The following ZNF609 variants were observed in gnomAD, a reference collection of about 807,000 sequenced individuals.
The protein encoded by ZNF609 is zinc finger protein 609.
A neutral mutation model predicts 109.5 loss-of-function variants in ZNF609; 11 were observed. The observed-to-expected ratio is 0.10, with a 90% CI of 0.06 to 0.17. The LOEUF (loss-of-function observed/expected upper bound fraction) is 0.17, where lower values mean the gene tolerates loss of function less well. ZNF609 is among the 10% of genes least tolerant of loss of function. The probability of loss-of-function intolerance (pLI) is 1.00; values close to 1 mark genes in which losing one functional copy is unlikely to be tolerated. For synonymous variants in ZNF609, 646 were observed against 662.0 expected (o/e 0.98, Z 0.37); for missense variants, 1,559 against 1,772.4 (o/e 0.88, Z 2.16).
intron 3 of ZNF609, among the ~76,000 whole-genome samples, chr15:64,654,688 T>C (rs1896464344): frequency 6.6e-6 from 1 of 152,232 alleles, no homozygotes; most frequent in Non-Finnish European, 1.5e-5. Context: ...TGTATCTCCA[T>C]AGCCCCTTAC....
chr15:64,595,716 C>T (rs144424339), intron 2 of ZNF609, among the ~76,000 whole-genome samples: 2 of 152,258 alleles, frequency 1.3e-5, no homozygotes, highest in African/African-American at 4.8e-5. Flanking sequence ...TGGTAAAAAA[C>T]TGGGACTAAA....
chr15:64,524,563 CAA>C lies in ZNF609; in HGVS notation c.747+24411_747+24412del, dbSNP rs539781729. ...TGGGAGACAGAGCAAGACTCCATCT[CAA>C]AAAAAAAAAAAAAGGGGGGGGCCTT... On this transcript the variant is annotated intron_variant, in intron 2 of 9. Transcript: ENST00000326648. Among the ~76,000 whole-genome samples, 162 of 99,930 alleles carry C rather than the reference CAA, an allele frequency of 1.6e-3. 1 individual carries two copies. Among genetic ancestry groups the C allele is most frequent in the African/African-American group, 4.0e-3 (126 of 31,552 alleles). The allele number at this position is 99,930 out of a possible 152,430, so 65.6% of individuals were successfully genotyped here. A position where few individuals can be genotyped will look rare whatever the true frequency, so the allele number is the denominator to read the frequency against.
chr15:64,552,637 A>G (rs1894502185), intron 2 of ZNF609, among the ~76,000 whole-genome samples: 1 of 151,982 alleles, frequency 6.6e-6, no homozygotes, highest in Admixed American at 6.6e-5. Flanking sequence ...TACATGCTTG[A>G]GCCACTGCTC....
At chr15:64,661,289 A>G (rs116334528) in intron 3 of ZNF609, among the ~76,000 whole-genome samples, 3 of 152,150 alleles carry the variant, frequency 2.0e-5, no homozygotes, top group Non-Finnish European at 4.4e-5. Context: ...ATATGCTTAC[A>G]TGTTCCCTTA....
intron 9 of ZNF609, 76 bp downstream of exon 9, chr15:64,681,463 GAGAAAT>G: frequency 7.9e-7 from 1 of 1,264,646 alleles, no homozygotes; most frequent in South Asian, 1.2e-5. Context: ...ATCCCTAGGT[GAGAAAT>G]AGCTATGAGG....
Position 64,675,170 on chromosome 15 carries a change from G to C in ZNF609, c.2316G>C (p.Gly772=), listed in dbSNP as rs753373295. The change falls in exon 5 of 10, where the codon GGG becomes GGC. Residue 772 remains glycine, a synonymous_variant. Transcript: ENST00000326648. ...ESSGDGMKME[G]LLNGSSDPHQ... is the part of the protein sequence containing the mutation. ...CAGGAGATGGGATGAAAATGGAGGGGCTCCTAAATGGCTCATCAGACCCCC... is the reference window on the plus strand; with the variant it reads ...CAGGAGATGGGATGAAAATGGAGGGCCTCCTAAATGGCTCATCAGACCCCC... 77 of 1,613,926 alleles carry C rather than the reference G, an allele frequency of 4.8e-5. No individual in the cohort carries two copies. The highest frequency in any genetic ancestry group is 2.3e-4 in the African/African-American group (17 of 74,922).
chr15:64,524,101 A>G (rs1292650519), intron 2 of ZNF609, among the ~76,000 whole-genome samples: 1 of 148,276 alleles, frequency 6.7e-6, no homozygotes, highest in African/African-American at 2.5e-5. Context: ...TCAGTGGTTT[A>G]TACTATATTC....
chr15:64,498,911 G>T (rs2140349871), intron 1 of ZNF609, among the ~76,000 whole-genome samples: 1 of 152,276 alleles, frequency 6.6e-6, no homozygotes, highest in Middle Eastern at 3.4e-3. Context: ...AGAAATGGGG[G>T]TATAAGTAAA....
intron 1 of ZNF609, among the ~76,000 whole-genome samples, chr15:64,489,947 G>A (rs917759640): frequency 1.3e-5 from 2 of 151,552 alleles, no homozygotes; most frequent in Non-Finnish European, 2.9e-5. Context: ...GCATGGCAGA[G>A]CTTATTTTTA....
intron 2 of ZNF609, among the ~76,000 whole-genome samples, chr15:64,612,992 G>A (rs957187768): frequency 6.6e-6 from 1 of 152,010 alleles, no homozygotes; most frequent in African/African-American, 2.4e-5. Flanking sequence ...TCCAGCCTGG[G>A]CAACAGAGTG....
intron 1 of ZNF609, among the ~76,000 whole-genome samples, chr15:64,473,191 CTTTTTTTTTTTTTTTTTT>C (rs951319279): frequency 3.9e-5 from 3 of 76,078 alleles, no homozygotes; most frequent in Admixed American, 3.2e-4. Context: ...ATATTTGGTT[CTTTTTTTTTTTTTTTTTT>C]TTTTTTGGAG....
chr15:64,522,969 G>A (rs555523665), intron 2 of ZNF609, among the ~76,000 whole-genome samples: 36 of 45,306 alleles, frequency 7.9e-4, no homozygotes, highest in African/African-American at 1.6e-3. Context: ...ATACATTGTG[G>A]TTAAAAAAAA....
At chr15:64,599,438 G>A (rs574403014) in intron 2 of ZNF609, among the ~76,000 whole-genome samples, 20 of 151,986 alleles carry the variant, frequency 1.3e-4, no homozygotes, top group African/African-American at 3.9e-4. Context: ...GTAAATATTT[G>A]TGCAGTAAAT....
At chr15:64,493,332 A>T (rs1595698282) in intron 1 of ZNF609, among the ~76,000 whole-genome samples, 1 of 152,176 alleles carries the variant, frequency 6.6e-6, no homozygotes, top group Non-Finnish European at 1.5e-5. Context: ...GGCCTTGTTC[A>T]TTCCTGAGGT....
At chr15:64,614,350 C>T (rs928581170) in intron 2 of ZNF609, among the ~76,000 whole-genome samples, 4 of 152,000 alleles carry the variant, frequency 2.6e-5, no homozygotes, top group African/African-American at 9.7e-5. Context: ...CCTGCCTCAG[C>T]CTCTGACTAG....
intron 3 of ZNF609, among the ~76,000 whole-genome samples, chr15:64,650,650 G>A (rs1048803524): frequency 1.3e-5 from 2 of 151,878 alleles, no homozygotes; most frequent in African/African-American, 4.8e-5. Context: ...AGGGAAAGAG[G>A]TCCTCTACTT....
chr15:64,639,573 A>G (rs543429149), intron 3 of ZNF609, among the ~76,000 whole-genome samples: 1 of 152,294 alleles, frequency 6.6e-6, no homozygotes, highest in African/African-American at 2.4e-5. Flanking sequence ...GCTCCATTTT[A>G]TAAGGACACC....
chr15:64,678,511 A>G (rs377393251), intron 6 of ZNF609, 29 bp downstream of exon 6: 69 of 1,528,632 alleles, frequency 4.5e-5, no homozygotes, highest in Non-Finnish European at 5.5e-5. Flanking sequence ...GCACTATTCC[A>G]TTCACTGGAA....
intron 3 of ZNF609, among the ~76,000 whole-genome samples, chr15:64,653,287 C>T (rs1896443737): frequency 6.6e-6 from 1 of 152,168 alleles, no homozygotes; most frequent in South Asian, 2.1e-4. Flanking sequence ...TAGAGGTAAG[C>T]CTTGCTGGTG....
Sources: allele counts gnomAD v4.1 joint callset (sites outside exome capture counted in the v4.1 genomes callset), GRCh38; gene constraint gnomAD v4.1.1; transcripts MANE v1.5; gene names NCBI Gene and HGNC (gene_info 2026-07-23, HGNC 2026-07-21).